The following PTPRN2 variants were observed in gnomAD, a reference collection of about 807,000 sequenced individuals.
PTPRN2 encodes receptor-type tyrosine-protein phosphatase N2.
Under a neutral mutation model 118.8 loss-of-function variants are expected in PTPRN2, and 74 were observed. That is an observed-to-expected ratio of 0.62 (90% CI 0.52 to 0.76). The LOEUF (loss-of-function observed/expected upper bound fraction) is 0.76, where lower values mean the gene tolerates loss of function less well. PTPRN2 is among the 30% of genes least tolerant of loss of function. The pLI, the probability that PTPRN2 is intolerant of heterozygous loss-of-function variation, is 0.00. For missense variants in PTPRN2, 1,481 were observed against 1,394.4 expected, an observed-to-expected ratio of 1.06 and a Z score of -0.99; for synonymous variants, 641 against 608.0, an observed-to-expected ratio of 1.05 and a Z score of -0.80.
intron 12 of PTPRN2, among the ~76,000 whole-genome samples, chr7:157,778,768 C>T (rs1175788520): frequency 3.9e-5 from 6 of 152,108 alleles, no homozygotes; most frequent in Non-Finnish European, 8.8e-5. Context: ...CACGTGAATA[C>T]GGGTGCCGAA....
At chr7:158,263,789 T>G (rs1192278702) in intron 3 of PTPRN2, among the ~76,000 whole-genome samples, 1 of 152,212 alleles carries the variant, frequency 6.6e-6, no homozygotes, top group Non-Finnish European at 1.5e-5. Flanking sequence ...CTGCCAGTTG[T>G]GGACACCTCC....
At chr7:157,789,250 G>A (rs1300864292) in intron 12 of PTPRN2, among the ~76,000 whole-genome samples, 1 of 152,176 alleles carries the variant, frequency 6.6e-6, no homozygotes, top group Non-Finnish European at 1.5e-5. Context: ...AAAACTGGCT[G>A]GGCCTTGTAC....
At chr7:157,853,412 C>T (rs770041638) in intron 12 of PTPRN2, among the ~76,000 whole-genome samples, 1 of 152,198 alleles carries the variant, frequency 6.6e-6, no homozygotes, top group East Asian at 1.9e-4. Flanking sequence ...CCACTTTAAA[C>T]CCTGGAGAAC....
intron 2 of PTPRN2, among the ~76,000 whole-genome samples, chr7:158,337,412 C>T (rs10278282): frequency 2.3e-3 from 147 of 62,892 alleles, no homozygotes; most frequent in African/African-American, 6.2e-3. Context: ...ACGTCCCTCA[C>T]ACCCACACTC....
At chr7:158,055,191 G>A (rs912559216) in intron 11 of PTPRN2, among the ~76,000 whole-genome samples, 3 of 152,138 alleles carry the variant, frequency 2.0e-5, no homozygotes, top group Non-Finnish European at 4.4e-5. Flanking sequence ...TCATAACCTA[G>A]GAAAAACCAG....
At chr7:157,563,849 C>T (rs1047499081) in intron 21 of PTPRN2, among the ~76,000 whole-genome samples, 11 of 151,794 alleles carry the variant, frequency 7.2e-5, no homozygotes, top group Non-Finnish European at 1.0e-4. Flanking sequence ...ATCAAGACCA[C>T]GTGCTCCTGC....
chr7:158,086,431 T>G (rs944524785), intron 10 of PTPRN2, among the ~76,000 whole-genome samples: 2 of 152,150 alleles, frequency 1.3e-5, no homozygotes, highest in African/African-American at 4.8e-5. Flanking sequence ...GCCTGGCCAT[T>G]CCCCAGCTGC....
At chr7:158,429,667 G>A (rs1479390782) in intron 2 of PTPRN2, among the ~76,000 whole-genome samples, 7 of 152,230 alleles carry the variant, frequency 4.6e-5, no homozygotes, top group Admixed American at 6.5e-5. Flanking sequence ...GCTCCAGACC[G>A]CCAGCAGGCA....
chr7:158,264,187 G>A (rs1180145644), intron 3 of PTPRN2, among the ~76,000 whole-genome samples: 1 of 152,354 alleles, frequency 6.6e-6, no homozygotes, highest in East Asian at 1.9e-4. Flanking sequence ...CAGGCAGAAT[G>A]AGCCTCTGTT....
intron 2 of PTPRN2, among the ~76,000 whole-genome samples, chr7:158,378,541 T>C (rs534746440): frequency 2.0e-5 from 3 of 152,292 alleles, no homozygotes; most frequent in East Asian, 1.9e-4. Context: ...GCCCCCTCTA[T>C]TGCGAATGCC....
chr7:157,989,242 ACT>A (rs1477291079), intron 11 of PTPRN2, among the ~76,000 whole-genome samples: 2 of 151,944 alleles, frequency 1.3e-5, no homozygotes, highest in Non-Finnish European at 2.9e-5. Flanking sequence ...ACATGGTGAA[ACT>A]CTGTCTCTAC....
intron 6 of PTPRN2, among the ~76,000 whole-genome samples, chr7:158,157,447 G>A (rs894205688): frequency 6.6e-6 from 1 of 152,250 alleles, no homozygotes; most frequent in African/African-American, 2.4e-5. Flanking sequence ...AAACACCGGG[G>A]AAGAGATTTC....
intron 13 of PTPRN2, among the ~76,000 whole-genome samples, chr7:157,661,341 C>T (rs895134197): frequency 1.3e-5 from 2 of 152,272 alleles, no homozygotes; most frequent in Admixed American, 6.5e-5. Context: ...AGACCCGTGG[C>T]GGCAGCTCTT....
intron 12 of PTPRN2, among the ~76,000 whole-genome samples, chr7:157,770,207 T>C (rs1802718250): frequency 6.6e-6 from 1 of 152,250 alleles, no homozygotes; most frequent in African/African-American, 2.4e-5. Flanking sequence ...TTCAGGAACA[T>C]ATTGGAACCA....
chr7:157,590,207 A>C lies in PTPRN2; in HGVS notation c.2496+5031T>G, dbSNP rs1181220038. On this transcript the variant is annotated intron_variant, in intron 17 of 22. Transcript: ENST00000389418. This position sits in a 1 kb window ranked among gnomAD's most constrained non-coding sequence, Gnocchi z 4.0. ...CATTCTTCCTTTAAAATTGTTCCAC[A>C]CTTTAAAAAAAAAGTTTATATGACA... Among the ~76,000 whole-genome samples, 1 of 152,156 alleles carries C rather than the reference A, an allele frequency of 6.6e-6. No homozygotes were observed. Among genetic ancestry groups the C allele is most frequent in the African/African-American group, 2.4e-5 (1 of 41,424 alleles).
chr7:158,488,963 C>T (rs778653658), intron 2 of PTPRN2, among the ~76,000 whole-genome samples: 5 of 152,258 alleles, frequency 3.3e-5, no homozygotes, highest in Non-Finnish European at 5.9e-5. Flanking sequence ...ATGACAGGCC[C>T]GGGTGGCGTC....
At chr7:158,376,368 C>G (rs1345011737) in intron 2 of PTPRN2, among the ~76,000 whole-genome samples, 1 of 149,656 alleles carries the variant, frequency 6.7e-6, no homozygotes, top group East Asian at 2.0e-4. Context: ...CTCCCACAGT[C>G]CTGTCACACG....
intron 12 of PTPRN2, among the ~76,000 whole-genome samples, chr7:157,771,604 G>A (rs1387328570): frequency 2.0e-5 from 3 of 152,190 alleles, no homozygotes; most frequent in Non-Finnish European, 4.4e-5. Flanking sequence ...GACACACACG[G>A]CACAGGGAAA....
At chr7:157,703,805 C>T (rs1370377007) in intron 12 of PTPRN2, among the ~76,000 whole-genome samples, 1 of 152,180 alleles carries the variant, frequency 6.6e-6, no homozygotes, top group African/African-American at 2.4e-5. Flanking sequence ...TCAGGAGGCC[C>T]GGAAAACTAC....
Sources: gnomAD v4.1 joint callset for allele counts (sites outside exome capture counted in the v4.1 genomes callset) on GRCh38, gnomAD v4.1.1 for gene constraint, Gnocchi (gnomAD v3.1) non-coding constraint, MANE v1.5 for transcripts, NCBI Gene and HGNC (gene_info 2026-07-23, HGNC 2026-07-21) for gene names.